Variants in HPSE2 observed in about 807,000 individuals in gnomAD.
The protein encoded by HPSE2 is heparanase 2 (inactive).
Under a neutral mutation model 60.5 loss-of-function variants are expected in HPSE2, and 38 were observed. The ratio of observed to expected loss-of-function variants is 0.63; its 90% CI spans 0.48 to 0.82. HPSE2 has a LOEUF of 0.82. Among genes scored for constraint, HPSE2 ranks in the 40% least tolerant of loss-of-function variants. The probability of loss-of-function intolerance (pLI) is 0.00; values close to 1 mark genes in which losing one functional copy is unlikely to be tolerated. For synonymous variants in HPSE2, 295 were observed against 293.2 expected, an observed-to-expected ratio of 1.01 and a Z score of -0.06; for missense variants, 713 against 740.4, an observed-to-expected ratio of 0.96 and a Z score of 0.43.
At chr10:99,046,283 T>G (rs567474008) in intron 3 of HPSE2, among the ~76,000 whole-genome samples, 11 of 152,150 alleles carry the variant, frequency 7.2e-5, no homozygotes, top group African/African-American at 2.6e-4. Flanking sequence ...ATCCAAAATG[T>G]CTTTATGATA....
intron 9 of HPSE2, among the ~76,000 whole-genome samples, chr10:98,544,952 T>C (rs1454966318): frequency 6.6e-6 from 1 of 151,650 alleles, no homozygotes; most frequent in Non-Finnish European, 1.5e-5. Context: ...ATAGATGCAA[T>C]AAAAAATGAC....
intron 3 of HPSE2, among the ~76,000 whole-genome samples, chr10:98,940,655 C>T (rs1473676380): frequency 7.3e-6 from 1 of 136,914 alleles, no homozygotes; most frequent in Non-Finnish European, 1.5e-5. Context: ...ACCAGAGGTA[C>T]AAGGAGGAAC....
chr10:98,474,400 A>G (rs888318465), intron 11 of HPSE2, among the ~76,000 whole-genome samples: 2 of 152,150 alleles, frequency 1.3e-5, no homozygotes, highest in East Asian at 1.9e-4. Flanking sequence ...GAATCCAGAG[A>G]TGAAATATCA....
In HPSE2 at chr10:98,641,890, C is replaced by T. The variant is rs150939842; in HGVS notation, c.1055G>A (p.Arg352His). 6.1e-5 allele frequency: 99 copies of T among 1,613,672 alleles called. 1 individual carries two copies. Among genetic ancestry groups the T allele is most frequent in the Admixed American group, 1.3e-4 (8 of 59,972 alleles). ...CTGGTCAGAGAGTGTGTCTAACAGG[C>T]GAGTTTTCAGGAAGTCCATCACCTT... ...VVKVMDFLKTRLLDTLSDQIR... is the reference protein window; with the variant it reads ...VVKVMDFLKTHLLDTLSDQIR... Residue 352 changes from arginine (R) to histidine (H), a missense_variant, in exon 7 of 12, where the codon CGC (arginine) becomes CAC (histidine). Transcript: ENST00000370552.
At chr10:98,990,493 C>T (rs532577101) in intron 3 of HPSE2, among the ~76,000 whole-genome samples, 9 of 152,276 alleles carry the variant, frequency 5.9e-5, no homozygotes, top group African/African-American at 2.2e-4. Context: ...GATGAAGCTT[C>T]GCTCGCTCAC....
At chr10:99,196,037 C>G (rs1164694522) in intron 2 of HPSE2, among the ~76,000 whole-genome samples, 1 of 151,892 alleles carries the variant, frequency 6.6e-6, no homozygotes, top group Non-Finnish European at 1.5e-5. Flanking sequence ...GAATAGAGAA[C>G]CCAGAAATAA....
At chr10:98,665,248 A>T (rs1349164329) in intron 6 of HPSE2, among the ~76,000 whole-genome samples, 1 of 152,116 alleles carries the variant, frequency 6.6e-6, no homozygotes, top group South Asian at 2.1e-4. Context: ...AGGAAAAAAA[A>T]TTTAAATGAA....
intron 8 of HPSE2, among the ~76,000 whole-genome samples, chr10:98,620,075 C>T (rs939122516): frequency 2.6e-5 from 4 of 152,168 alleles, no homozygotes; most frequent in African/African-American, 9.7e-5. Flanking sequence ...AAAGCAGTAG[C>T]ATCGATTTCA....
intron 11 of HPSE2, among the ~76,000 whole-genome samples, chr10:98,464,974 C>T (rs1175462630): frequency 1.3e-5 from 2 of 152,158 alleles, no homozygotes; most frequent in Admixed American, 1.3e-4. Flanking sequence ...CATCTCTTAG[C>T]TAAGTGAGCA....
intron 3 of HPSE2, among the ~76,000 whole-genome samples, chr10:99,014,659 A>C (rs965874273): frequency 6.6e-6 from 1 of 152,152 alleles, no homozygotes; most frequent in Non-Finnish European, 1.5e-5. Context: ...AACTGGTGTG[A>C]GATGGTATCT....
At chr10:99,013,494 T>C (rs2135406593) in intron 3 of HPSE2, 1 of 371,094 alleles carries the variant, frequency 2.7e-6, no homozygotes, top group Non-Finnish European at 5.2e-6. Context: ...TTATTTGAGA[T>C]ACAGTCTTGC....
At position 99,160,268 on chromosome 10, in the gene HPSE2, A is replaced by C. The variant is rs554900156; in HGVS notation, c.449-15869T>G. Among the ~76,000 whole-genome samples the C allele has an allele frequency of 2.6e-5, 4 of 152,256 alleles. No homozygotes were observed. In the South Asian group the frequency reaches 8.3e-4, roughly 32 times the overall value. ...ACCCAATTTTTAAAATGGACAAAAG[A>C]TCTGAATAGACATTTCACCAAAGAC... On this transcript the variant is annotated intron_variant, in intron 2 of 11. Coordinates refer to ENST00000370552, the MANE Select transcript of HPSE2 (RefSeq NM_021828.5).
chr10:99,101,953 C>G (rs1364920008), intron 3 of HPSE2, among the ~76,000 whole-genome samples: 1 of 152,202 alleles, frequency 6.6e-6, no homozygotes, highest in Non-Finnish European at 1.5e-5. Flanking sequence ...AAAGACACAA[C>G]ATACCAGAAT....
rs910382222 is a variant in HPSE2 at position 99,144,397 on chromosome 10, T to C, written c.451A>G (p.Ile151Val). 3 of 1,613,180 alleles carry C rather than the reference T, an allele frequency of 1.9e-6. No homozygotes were observed. Among genetic ancestry groups the C allele is most frequent in the Non-Finnish European group, 2.5e-6 (3 of 1,179,916 alleles). The change falls in exon 3 of 12, where the codon ATT becomes GTT. Residue 151 changes from isoleucine (I) to valine (V), a missense_variant and splice_region_variant. Physicochemically the swap from Ile to Val is conservative, Grantham distance 29 (BLOSUM62 3). Coordinates refer to ENST00000370552, the MANE Select transcript of HPSE2 (RefSeq NM_021828.5). The stretch of plus-strand genomic sequence containing the variant: ...TCTAAGGCAACATCACTTCGAACAA[T>C]GTCTACAAAAAGAAAGAAAGAAGGC... ...DYYLKNYEDD[I>V]VRSDVALDKQ...
At chr10:98,948,886 A>C (rs1490198841) in intron 3 of HPSE2, among the ~76,000 whole-genome samples, 1 of 152,110 alleles carries the variant, frequency 6.6e-6, no homozygotes, top group East Asian at 1.9e-4. Flanking sequence ...TTTTCTCTCT[A>C]GCTTACTTTA....
the HPSE2 span, among the ~76,000 whole-genome samples, chr10:99,263,552 C>G: frequency 0.02 from 3,070 of 152,208 alleles, 113 homozygotes; most frequent in East Asian, 0.15. Context: ...CAAAAGGCAT[C>G]AGATTCCATC....
At chr10:99,181,314 C>T (rs1265202102) in intron 2 of HPSE2, among the ~76,000 whole-genome samples, 11 of 143,886 alleles carry the variant, frequency 7.6e-5, no homozygotes, top group East Asian at 4.1e-4. Context: ...AGGAGAATGG[C>T]GTGAACCCGG....
At chr10:98,772,067 G>T (rs2785218) in intron 3 of HPSE2, among the ~76,000 whole-genome samples, 123,814 of 152,078 alleles carry the variant, frequency 0.81, 50,886 homozygotes, top group African/African-American at 0.9. Context: ...GTTTTGGACT[G>T]GGCAATAACC....
the HPSE2 span, among the ~76,000 whole-genome samples, chr10:99,294,121 T>C: frequency 2.6e-5 from 4 of 152,230 alleles, no homozygotes; most frequent in East Asian, 7.7e-4. Context: ...CAGTGGATTA[T>C]GTTCTAAAAA....
Sources: allele counts gnomAD v4.1 joint callset (sites outside exome capture counted in the v4.1 genomes callset), GRCh38; gene constraint gnomAD v4.1.1; transcripts MANE v1.5; gene names NCBI Gene and HGNC (gene_info 2026-07-23, HGNC 2026-07-21).